Variants in DYRK2 observed in about 807,000 individuals in gnomAD.
The protein encoded by DYRK2 is dual specificity tyrosine phosphorylation regulated kinase 2.
DYRK2 carries 12 observed loss-of-function variants against 41.6 expected under a neutral mutation model. The observed-to-expected ratio is 0.29, with a 90% CI of 0.18 to 0.47. DYRK2 has a LOEUF of 0.47. Ranked by LOEUF, DYRK2 falls within the 20% of genes least tolerant of loss-of-function variation. The probability of loss-of-function intolerance (pLI) is 1.00; values close to 1 mark genes in which losing one functional copy is unlikely to be tolerated. For missense variants in DYRK2, 678 were observed against 798.4 expected, an observed-to-expected ratio of 0.85 and a Z score of 1.82; for synonymous variants, 322 against 315.7, an observed-to-expected ratio of 1.02 and a Z score of -0.21.
In DYRK2 at chr12:67,657,185, T is replaced by C. The variant is rs1872496536; in HGVS notation, c.278T>C (p.Leu93Ser). The C allele has an allele frequency of 6.2e-7, 1 of 1,613,436 alleles. No individual in the cohort carries two copies. Among genetic ancestry groups the C allele is most frequent in the East Asian group, 2.2e-5 (1 of 44,856 alleles). Residue 93 changes from leucine to serine, a missense_variant, in exon 3 of 3, where the codon TTG becomes TCG. This residue lies in a region of DYRK2 where 285 missense variants were observed against 279.2 expected (regional missense o/e 1.02). Transcript: ENST00000344096. The surrounding 1 kb of genome is among the most constrained non-coding windows in gnomAD (Gnocchi z 4.8). ...CACGGACAGATCCAGGTTCAACAGTTGTTTGAGGATAACAGTAACAAGCGG... is the reference window on the plus strand; with the variant it reads ...CACGGACAGATCCAGGTTCAACAGTCGTTTGAGGATAACAGTAACAAGCGG... ...HAHGQIQVQQ[L>S]FEDNSNKRTV...
At chr12:67,651,338 G>T in intron 2 of DYRK2, 1 of 287,096 alleles carries the variant, frequency 3.5e-6, no homozygotes, top group Non-Finnish European at 6.8e-6. Flanking sequence ...TTTGCTATGT[G>T]TTGATGTAAT....
Position 67,658,605 on chromosome 12 carries a change from A to G in DYRK2, c.1698A>G (p.Leu566=). 1 of 1,614,016 alleles carries G rather than the reference A, an allele frequency of 6.2e-7. No individual in the cohort carries two copies. The part of the protein sequence containing the change: ...STGAITSISK[L]PPPSSSASKL... ...GTGCTATCACATCTATATCCAAGTT[A>G]CCTCCACCTTCTAGCTCAGCTTCCA... Residue 566 remains leucine, a synonymous_variant, in exon 3 of 3, where the codon TTA becomes TTG. Coordinates refer to ENST00000344096, the MANE Select transcript of DYRK2 (RefSeq NM_006482.3). The surrounding 1 kb of genome is among the most constrained non-coding windows in gnomAD (Gnocchi z 4.3).
chr12:67,655,558 AT>A (rs1872444016), intron 2 of DYRK2, among the ~76,000 whole-genome samples: 2 of 152,206 alleles, frequency 1.3e-5, no homozygotes, highest in African/African-American at 4.8e-5. Flanking sequence ...ATGGAGTATC[AT>A]CTATGAGTGT....
chr12:67,663,675 C>G lies in DYRK2; in HGVS notation c.*4962C>G, dbSNP rs1872679419. 1 of 152,146 alleles carries G rather than the reference C, an allele frequency of 6.6e-6. No homozygotes were observed. 9.4% of individuals were successfully genotyped at this position (152,146 alleles called of 1,614,324 possible). On this transcript the variant is annotated 3_prime_UTR_variant, in exon 3 of 3. Coordinates refer to ENST00000344096, the MANE Select transcript of DYRK2 (RefSeq NM_006482.3). ...TTATGTACAAAATTGAAAATTGGTG[C>G]TAAAGTGGCAATGTCAATTTAAAAT...
intron 2 of DYRK2, among the ~76,000 whole-genome samples, chr12:67,655,829 C>CAT (rs1489237550): frequency 2.6e-5 from 4 of 152,196 alleles, no homozygotes; most frequent in Non-Finnish European, 5.9e-5. Context: ...TACTGTGTTA[C>CAT]ATATACAGAG....
chr12:67,656,655 G>A (rs1047639218), intron 2 of DYRK2, among the ~76,000 whole-genome samples: 5 of 152,054 alleles, frequency 3.3e-5, no homozygotes, highest in African/African-American at 9.7e-5. Context: ...GGAAAGAGTA[G>A]TGAACAAGAC....
chr12:67,663,300 T>C lies in DYRK2; in HGVS notation c.*4587T>C, dbSNP rs1257160352. The C allele has an allele frequency of 6.6e-6, 1 of 152,158 alleles. No individual in the cohort carries two copies. Among genetic ancestry groups the C allele is most frequent in the Non-Finnish European group, 1.5e-5 (1 of 68,004 alleles). 9.4% of individuals were successfully genotyped at this position (152,158 alleles called of 1,614,324 possible). ...AGTTAGTACCAAGCTAAGAGTTTACTTACAGATGACAGCAAGCAGATGCTC... is the reference window on the plus strand; with the variant it reads ...AGTTAGTACCAAGCTAAGAGTTTACCTACAGATGACAGCAAGCAGATGCTC... On this transcript the variant is annotated 3_prime_UTR_variant, in exon 3 of 3. Coordinates refer to ENST00000344096, the MANE Select transcript of DYRK2 (RefSeq NM_006482.3).
In DYRK2 at chr12:67,649,328, G is replaced by A. The variant is rs1490479580; in HGVS notation, c.49+146G>A. On this transcript the variant is annotated intron_variant, in intron 1 of 2. Transcript: ENST00000344096. ...AGCCCCCGGGCGGACGACGCGCCCC[G>A]GGCTCCATGCAGGGTTGTGCGCGGC... 5.3e-6 allele frequency: 3 copies of A among 563,050 alleles called. No individual in the cohort carries two copies. The East Asian group carries it at 1.5e-4, about 28-fold the overall frequency. The allele number at this position is 563,050 out of a possible 1,614,324, so 34.9% of individuals were successfully genotyped here.
intron 1 of DYRK2, 35 bp downstream of exon 1, chr12:67,649,217 A>G (rs780150115): frequency 3.6e-5 from 52 of 1,455,610 alleles, no homozygotes; most frequent in Non-Finnish European, 4.4e-5. Context: ...GCATCCCCGG[A>G]CCCCCGCCGG....
At position 67,649,957 on chromosome 12, in the gene DYRK2, C is replaced by A; in HGVS notation, c.198+12C>A. 7.4e-7 allele frequency: 1 copy of A among 1,342,360 alleles called. No individual in the cohort carries two copies. Among genetic ancestry groups the A allele is most frequent in the South Asian group, 2.0e-5 (1 of 50,834 alleles). The allele number at this position is 1,342,360 out of a possible 1,614,324, so 83.2% of individuals were successfully genotyped here. A position where few individuals can be genotyped will look rare whatever the true frequency, so the allele number is the denominator to read the frequency against. ...CCGCAGCCCACACGGTGAGACCCAG[C>A]CCGCGGGCGGCCCGGGCGGTGGGGG... On this transcript the variant is annotated intron_variant, in intron 2 of 2. Transcript: ENST00000344096.
chr12:67,658,059 G>A lies in DYRK2; in HGVS notation c.1152G>A (p.Gln384=). 6.2e-7 allele frequency: 1 copy of A among 1,614,262 alleles called. No homozygotes were observed. The change falls in exon 3 of 3, where the codon CAG becomes CAA. Residue 384 remains glutamine, a synonymous_variant. Coordinates refer to ENST00000344096, the MANE Select transcript of DYRK2 (RefSeq NM_006482.3). This position sits in a 1 kb window ranked among gnomAD's most constrained non-coding sequence, Gnocchi z 4.3. ...YEHQRVYTYI[Q]SRFYRAPEVI... is the part of the protein sequence containing the mutation. Reference sequence around the variant, plus strand: ...ATCAGCGTGTCTACACGTACATCCAGTCGCGTTTTTACCGGGCTCCAGAAG... The same window carrying A: ...ATCAGCGTGTCTACACGTACATCCAATCGCGTTTTTACCGGGCTCCAGAAG...
chr12:67,652,920 C>A (rs1305072386), intron 2 of DYRK2, among the ~76,000 whole-genome samples: 1 of 152,206 alleles, frequency 6.6e-6, no homozygotes, highest in Non-Finnish European at 1.5e-5. Context: ...ACCTCCGCCT[C>A]CGGGGTTCAA....
Position 67,658,221 on chromosome 12 carries a change from G to A in DYRK2, c.1314G>A (p.Leu438=). The A allele has an allele frequency of 3.1e-6, 5 of 1,614,130 alleles. No homozygotes were observed. The highest frequency in any genetic ancestry group is 4.2e-6 in the Non-Finnish European group (5 of 1,180,026). The part of the protein sequence containing the change: ...GDQLACMIEL[L]GMPSQKLLDA... ...AGCTGGCCTGTATGATTGAACTGTTGGGCATGCCCTCACAGAAACTGCTGG... is the reference window on the plus strand; with the variant it reads ...AGCTGGCCTGTATGATTGAACTGTTAGGCATGCCCTCACAGAAACTGCTGG... The change falls in exon 3 of 3, where the codon TTG becomes TTA. Residue 438 remains leucine, a synonymous_variant. Coordinates refer to ENST00000344096, the MANE Select transcript of DYRK2 (RefSeq NM_006482.3). This position sits in a 1 kb window ranked among gnomAD's most constrained non-coding sequence, Gnocchi z 4.3.
chr12:67,654,049 G>A (rs2120822429), intron 2 of DYRK2, among the ~76,000 whole-genome samples: 1 of 152,288 alleles, frequency 6.6e-6, no homozygotes, highest in African/African-American at 2.4e-5. Context: ...AGGTAACTTT[G>A]TTACCTTCTT....
rs781766417 is a variant in DYRK2 at position 67,657,852 on chromosome 12, T to G, written c.945T>G (p.Asn315Lys). 3.7e-6 allele frequency: 6 copies of G among 1,614,112 alleles called. No homozygotes were observed. The highest frequency in any genetic ancestry group is 4.2e-6 in the Non-Finnish European group (5 of 1,180,050). Residue 315 changes from asparagine to lysine, a missense_variant, in exon 3 of 3, where the codon AAT becomes AAG. Physicochemically the swap from Asn to Lys is moderately conservative, Grantham distance 94. This residue lies in a region of DYRK2 where 393 missense variants were observed against 519.1 expected (regional missense o/e 0.76). Transcript: ENST00000344096. This position sits in a 1 kb window ranked among gnomAD's most constrained non-coding sequence, Gnocchi z 4.8. ...SMNLYELIKKNKFQGFSLPLV... is the reference protein window; with the variant it reads ...SMNLYELIKKKKFQGFSLPLV... Reference sequence around the variant, plus strand: ...ACCTCTATGAGCTCATCAAGAAGAATAAATTCCAGGGCTTCAGTCTGCCTT... The same window carrying G: ...ACCTCTATGAGCTCATCAAGAAGAAGAAATTCCAGGGCTTCAGTCTGCCTT...
At chr12:67,651,224 G>A (rs1872312952) in intron 2 of DYRK2, among the ~76,000 whole-genome samples, 1 of 152,194 alleles carries the variant, frequency 6.6e-6, no homozygotes, top group African/African-American at 2.4e-5. Context: ...TTACTGTTAA[G>A]TGTTCTTGTC....
At position 67,649,020 on chromosome 12, in the gene DYRK2, G is replaced by C. The variant is rs1872218827; in HGVS notation, c.-114G>C. 1 of 896,510 alleles carries C rather than the reference G, an allele frequency of 1.1e-6. No homozygotes were observed. Among genetic ancestry groups the C allele is most frequent in the African/African-American group, 1.8e-5 (1 of 54,892 alleles). The allele number at this position is 896,510 out of a possible 1,614,324, so 55.5% of individuals were successfully genotyped here. A position where few individuals can be genotyped will look rare whatever the true frequency, so the allele number is the denominator to read the frequency against. On this transcript the variant is annotated 5_prime_UTR_variant, in exon 1 of 3. Transcript: ENST00000344096. ...AGCAGACGCGAGGCGGCGACGAGGC[G>C]CCGGGGACCCGCGCGAGGGGCGGCC... is the stretch of plus-strand genomic sequence containing the variant.
rs769117431 is a variant in DYRK2 at position 67,658,230 on chromosome 12, C to G, written c.1323C>G (p.Pro441=). 14 of 1,614,052 alleles carry G rather than the reference C, an allele frequency of 8.7e-6. No individual in the cohort carries two copies. The highest frequency in any genetic ancestry group is 1.2e-5 in the Non-Finnish European group (14 of 1,180,046). The change falls in exon 3 of 3, where the codon CCC becomes CCG. Residue 441 remains proline (P), a synonymous_variant. Transcript: ENST00000344096. This position sits in a 1 kb window ranked among gnomAD's most constrained non-coding sequence, Gnocchi z 4.3. ...LACMIELLGM[P]SQKLLDASKR... is the part of the protein sequence containing the mutation. ...GTATGATTGAACTGTTGGGCATGCC[C>G]TCACAGAAACTGCTGGATGCATCCA... is the stretch of plus-strand genomic sequence containing the variant.
chr12:67,664,144 A>G lies in DYRK2; in HGVS notation c.*5431A>G, dbSNP rs1016130547. Reference sequence around the variant, plus strand: ...ATGACTGCCAGTGTGTTGCACATACATAAGAAAATTACATCTTACTGCGAA... The same window carrying G: ...ATGACTGCCAGTGTGTTGCACATACGTAAGAAAATTACATCTTACTGCGAA... On this transcript the variant is annotated 3_prime_UTR_variant, in exon 3 of 3. Transcript: ENST00000344096. 1 of 152,212 alleles carries G rather than the reference A, an allele frequency of 6.6e-6. No homozygotes were observed. The highest frequency in any genetic ancestry group is 1.5e-5 in the Non-Finnish European group (1 of 68,030). The allele number at this position is 152,212 out of a possible 1,614,324, so 9.4% of individuals were successfully genotyped here. A position where few individuals can be genotyped will look rare whatever the true frequency, so the allele number is the denominator to read the frequency against.
Sources: allele counts gnomAD v4.1 joint callset (sites outside exome capture counted in the v4.1 genomes callset), GRCh38; gene constraint gnomAD v4.1.1; regional missense constraint gnomAD v4.1.1; non-coding constraint Gnocchi (gnomAD v3.1); transcripts MANE v1.5; gene names NCBI Gene and HGNC (gene_info 2026-07-23, HGNC 2026-07-21).